The following AHCYL2 variants were observed in gnomAD, a reference collection of about 807,000 sequenced individuals.
AHCYL2 encodes the protein adenosylhomocysteinase like 2, also known as S-adenosylhomocysteine hydrolase-like protein 2.
Under a neutral mutation model 81.4 loss-of-function variants are expected in AHCYL2, and 28 were observed. That is an observed-to-expected ratio of 0.34 (90% CI 0.25 to 0.47). The LOEUF (loss-of-function observed/expected upper bound fraction) is 0.47. Ranked by LOEUF, AHCYL2 falls within the 20% of genes least tolerant of loss-of-function variation. The pLI is 1.00. For missense variants in AHCYL2, 551 were observed against 785.1 expected (o/e 0.70, Z 3.56); for synonymous variants, 272 against 290.2 (o/e 0.94, Z 0.64).
At position 129,397,455 on chromosome 7, in the gene AHCYL2, C is replaced by T. The variant is rs1795799554; in HGVS notation, c.823+131C>T. On this transcript the variant is annotated intron_variant, in intron 5 of 16. Coordinates refer to ENST00000325006, the MANE Select transcript of AHCYL2 (RefSeq NM_015328.4). ...TTGGAAGAAATGGATCTCGATTCTT[C>T]ATGAATTTGCTCTTTTTCTGGCCTT... 3 of 936,368 alleles carry T rather than the reference C, an allele frequency of 3.2e-6. No individual in the cohort carries two copies. The South Asian group carries it at 4.9e-5, about 15-fold the overall frequency. 58.0% of individuals were successfully genotyped at this position (936,368 alleles called of 1,614,324 possible).
intron 1 of AHCYL2, among the ~76,000 whole-genome samples, chr7:129,349,428 C>T (rs942038442): frequency 4.1e-4 from 55 of 133,256 alleles, no homozygotes; most frequent in Non-Finnish European, 7.0e-4. Flanking sequence ...GAGGTCAGTT[C>T]GAGACTAGCC....
intron 1 of AHCYL2, among the ~76,000 whole-genome samples, chr7:129,291,889 G>C (rs1202899326): frequency 6.6e-6 from 1 of 152,102 alleles, no homozygotes; most frequent in South Asian, 2.1e-4. Context: ...ACAGGTGTGA[G>C]CCACTGCGCC....
intron 1 of AHCYL2, among the ~76,000 whole-genome samples, chr7:129,259,586 C>G (rs1285322467): frequency 1.3e-5 from 2 of 152,122 alleles, no homozygotes; most frequent in Non-Finnish European, 2.9e-5. Flanking sequence ...GTGATTTTAA[C>G]AACAAGGCTT....
chr7:129,264,103 G>C (rs1242755334), intron 1 of AHCYL2, among the ~76,000 whole-genome samples: 2 of 152,144 alleles, frequency 1.3e-5, no homozygotes, highest in Non-Finnish European at 1.5e-5. Flanking sequence ...CTCACTGCAA[G>C]CTCCACCTCC....
Position 129,430,039 on chromosome 7 carries a change from ATATATC to A in AHCYL2, c.*3000_*3005del, listed in dbSNP as rs900523043. On this transcript the variant is annotated 3_prime_UTR_variant, in exon 17 of 17. Transcript: ENST00000325006. ...TATATACATATATATATATATATCT[ATATATC>A]TATATACGTAATCATCTAGTTCTGT... The A allele has an allele frequency of 3.3e-5, 5 of 150,714 alleles. No individual in the cohort carries two copies. Among genetic ancestry groups the A allele is most frequent in the Non-Finnish European group, 5.9e-5 (4 of 67,678 alleles). The allele number at this position is 150,714 out of a possible 1,614,324, so 9.3% of individuals were successfully genotyped here.
chr7:129,400,263 G>C lies in AHCYL2; in HGVS notation c.824-27G>C, dbSNP rs996871875. ...GGTCAGCCTTTTTTGGTCTTTAATG[G>C]TTTCCCTTTGTTCCTTTTTTTCCCA... On this transcript the variant is annotated intron_variant, in intron 5 of 16. Coordinates refer to ENST00000325006, the MANE Select transcript of AHCYL2 (RefSeq NM_015328.4). 5 of 1,607,756 alleles carry C rather than the reference G, an allele frequency of 3.1e-6. No individual in the cohort carries two copies. In the East Asian group the frequency reaches 6.7e-5, roughly 22 times the overall value.
intron 2 of AHCYL2, among the ~76,000 whole-genome samples, chr7:129,385,297 C>T (rs1227619234): frequency 6.6e-6 from 1 of 152,188 alleles, no homozygotes; most frequent in South Asian, 2.1e-4. Flanking sequence ...ATTTCCATTA[C>T]CAAATGAATA....
intron 1 of AHCYL2, among the ~76,000 whole-genome samples, chr7:129,377,875 C>T (rs2150880338): frequency 6.6e-6 from 1 of 152,274 alleles, no homozygotes; most frequent in African/African-American, 2.4e-5. Flanking sequence ...ATCAAATAAT[C>T]ATCCAAAATG....
chr7:129,315,984 A>T (rs1245955371), intron 1 of AHCYL2, among the ~76,000 whole-genome samples: 3 of 152,194 alleles, frequency 2.0e-5, no homozygotes, highest in Non-Finnish European at 1.5e-5. Context: ...TGACAGAAAA[A>T]ACTAAATGAA....
chr7:129,238,709 T>G (rs1158801989), intron 1 of AHCYL2, among the ~76,000 whole-genome samples: 1 of 152,154 alleles, frequency 6.6e-6, no homozygotes, highest in Non-Finnish European at 1.5e-5. Flanking sequence ...CCCAGCACTT[T>G]GGGAGGCCGA....
intron 1 of AHCYL2, among the ~76,000 whole-genome samples, chr7:129,362,175 A>G (rs1793952182): frequency 1.3e-5 from 2 of 152,178 alleles, no homozygotes; most frequent in African/African-American, 2.4e-5. Flanking sequence ...TTTACAGACA[A>G]AGAAACAAAG....
intron 11 of AHCYL2, among the ~76,000 whole-genome samples, chr7:129,412,824 G>A (rs779687126): frequency 6.6e-6 from 1 of 152,000 alleles, no homozygotes; most frequent in Non-Finnish European, 1.5e-5. Flanking sequence ...CTGAAGAAAT[G>A]TCGATTCAGA....
At chr7:129,296,800 G>C (rs1183618056) in intron 1 of AHCYL2, among the ~76,000 whole-genome samples, 2 of 152,088 alleles carry the variant, frequency 1.3e-5, no homozygotes, top group African/African-American at 4.8e-5. Context: ...AAAATGGAAA[G>C]GTTAGGATGC....
At chr7:129,327,375 T>C (rs369897787) in intron 1 of AHCYL2, among the ~76,000 whole-genome samples, 2 of 152,174 alleles carry the variant, frequency 1.3e-5, no homozygotes, top group South Asian at 2.1e-4. Context: ...CCTCTAGAAC[T>C]GTGAGGAATA....
intron 1 of AHCYL2, among the ~76,000 whole-genome samples, chr7:129,370,554 C>T (rs899369808): frequency 5.9e-5 from 9 of 152,056 alleles, no homozygotes; most frequent in East Asian, 1.9e-4. Flanking sequence ...AAAAATTAGC[C>T]GGGCGTGGTG....
chr7:129,279,704 C>T (rs1433803982), intron 1 of AHCYL2, among the ~76,000 whole-genome samples: 1 of 152,176 alleles, frequency 6.6e-6, no homozygotes, highest in African/African-American at 2.4e-5. Flanking sequence ...ATATGTTCAA[C>T]AAGGGGTGGA....
intron 1 of AHCYL2, among the ~76,000 whole-genome samples, chr7:129,277,188 A>G (rs1796245260): frequency 1.3e-5 from 2 of 152,326 alleles, no homozygotes; most frequent in East Asian, 3.9e-4. Context: ...TAAAGGTTAC[A>G]ACTTGGAAAG....
At chr7:129,403,860 C>CA (rs34806455) in intron 7 of AHCYL2, among the ~76,000 whole-genome samples, 4,679 of 79,630 alleles carry the variant, frequency 0.059, 592 homozygotes, top group Non-Finnish European at 0.092. Flanking sequence ...GACTCCATCT[C>CA]AAAAAAAAAA....
chr7:129,329,699 G>C (rs1010847791), intron 1 of AHCYL2, among the ~76,000 whole-genome samples: 1 of 152,182 alleles, frequency 6.6e-6, no homozygotes, highest in African/African-American at 2.4e-5. Flanking sequence ...TTTGTCTTCA[G>C]TTTCTTCATT....
Sources: gnomAD v4.1 joint callset for allele counts (sites outside exome capture counted in the v4.1 genomes callset) on GRCh38, gnomAD v4.1.1 for gene constraint, MANE v1.5 for transcripts, NCBI Gene and HGNC (gene_info 2026-07-23, HGNC 2026-07-21) for gene names.